Variants in PHF14 observed in about 807,000 individuals in gnomAD.
The protein encoded by PHF14 is PHD finger protein 14.
In PHF14, 55 loss-of-function variants were observed where a neutral mutation model predicts 117.9. The observed-to-expected ratio is 0.47, with a 90% CI of 0.38 to 0.58. The LOEUF (loss-of-function observed/expected upper bound fraction) is 0.58, where lower values mean the gene tolerates loss of function less well. Among genes scored for constraint, PHF14 ranks in the 20% least tolerant of loss-of-function variants. The probability of loss-of-function intolerance (pLI) is 0.00; values close to 1 mark genes in which losing one functional copy is unlikely to be tolerated. For synonymous variants in PHF14, 409 were observed against 368.6 expected, an observed-to-expected ratio of 1.11 and a Z score of -1.26; for missense variants, 978 against 1,122.2, an observed-to-expected ratio of 0.87 and a Z score of 1.84.
chr7:11,107,614 A>C (rs1175751201), intron 16 of PHF14: 1 of 759,362 alleles, frequency 1.3e-6, no homozygotes, highest in Non-Finnish European at 1.6e-6. Flanking sequence ...GTTTCTTTAC[A>C]GGTTAGTTTT....
At position 11,080,161 on chromosome 7, in the gene PHF14, C is replaced by T. The variant is rs537360826; in HGVS notation, c.2654+18076C>T. On this transcript the variant is annotated intron_variant, in intron 16 of 17. Coordinates refer to ENST00000634607, the MANE Select transcript of PHF14 (RefSeq NM_001007157.2). ...GTAGTTGGATAGAGGAAGTAACTTG[C>T]CAAAATAGACTTTGTAAGAATTTTG... Among the ~76,000 whole-genome samples, 5 of 152,148 alleles carry T rather than the reference C, an allele frequency of 3.3e-5. No homozygotes were observed. The South Asian group carries it at 1.0e-3, about 32-fold the overall frequency.
intron 17 of PHF14, among the ~76,000 whole-genome samples, chr7:11,114,031 C>A (rs1408959642): frequency 1.3e-5 from 2 of 151,984 alleles, no homozygotes; most frequent in Middle Eastern, 3.2e-3. Context: ...GTATATTTGC[C>A]ATGTTCATAT....
intron 16 of PHF14, among the ~76,000 whole-genome samples, chr7:11,081,432 A>T (rs376534335): frequency 6.6e-6 from 1 of 152,256 alleles, no homozygotes; most frequent in East Asian, 1.9e-4. Flanking sequence ...GCCTGGTATT[A>T]CAAGAGTGGT....
chr7:11,131,803 G>A (rs543428029), intron 17 of PHF14, among the ~76,000 whole-genome samples: 1 of 151,872 alleles, frequency 6.6e-6, no homozygotes, highest in East Asian at 1.9e-4. Context: ...TGTGAAAGGT[G>A]TTAGACCTGT....
chr7:11,080,393 G>T (rs1251491810), intron 16 of PHF14, among the ~76,000 whole-genome samples: 1 of 151,892 alleles, frequency 6.6e-6, no homozygotes, highest in Non-Finnish European at 1.5e-5. Flanking sequence ...CAGAATTATA[G>T]AATTTTTCAT....
At chr7:11,034,839 A>G (rs974372387) in intron 7 of PHF14, among the ~76,000 whole-genome samples, 3 of 151,726 alleles carry the variant, frequency 2.0e-5, no homozygotes, top group African/African-American at 7.3e-5. Context: ...ATGTGCCACC[A>G]CGCCTGGCCC....
chr7:11,061,576 T>C, intron 14 of PHF14: 1 of 343,216 alleles, frequency 2.9e-6, no homozygotes, highest in Non-Finnish European at 5.2e-6. Flanking sequence ...AGTAAAGTAC[T>C]ATAAAGTATA....
At chr7:11,126,229 C>T (rs922517327) in intron 17 of PHF14, among the ~76,000 whole-genome samples, 4 of 152,044 alleles carry the variant, frequency 2.6e-5, no homozygotes, top group African/African-American at 9.7e-5. Flanking sequence ...GCAGTTTCAA[C>T]AACCAACAGC....
chr7:11,112,394 CA>C (rs1360860891), intron 17 of PHF14, among the ~76,000 whole-genome samples: 1 of 152,096 alleles, frequency 6.6e-6, no homozygotes, highest in Non-Finnish European at 1.5e-5. Flanking sequence ...AGGCCTTCTG[CA>C]AAAGTTTATT....
intron 4 of PHF14, among the ~76,000 whole-genome samples, chr7:10,993,889 A>C (rs1443001535): frequency 1.3e-5 from 2 of 151,452 alleles, no homozygotes; most frequent in Non-Finnish European, 2.9e-5. Context: ...CGTGCCTGTA[A>C]TCCCAGCTAC....
At chr7:11,007,304 A>G (rs1341188477) in intron 4 of PHF14, among the ~76,000 whole-genome samples, 1 of 152,048 alleles carries the variant, frequency 6.6e-6, no homozygotes, top group East Asian at 1.9e-4. Context: ...TGTGTTGCAA[A>G]TATTTTCCAT....
At chr7:11,151,496 C>T (rs897609421) in intron 17 of PHF14, among the ~76,000 whole-genome samples, 1 of 152,136 alleles carries the variant, frequency 6.6e-6, no homozygotes, top group Non-Finnish European at 1.5e-5. Flanking sequence ...GAGGTTGAGA[C>T]TGAAGTGAGC....
At chr7:11,099,576 C>G (rs920136720) in intron 16 of PHF14, among the ~76,000 whole-genome samples, 6 of 151,980 alleles carry the variant, frequency 3.9e-5, no homozygotes, top group African/African-American at 1.4e-4. Context: ...AATTTATCCT[C>G]CATTGCAGGG....
chr7:11,159,416 C>T (rs1483812481), intron 17 of PHF14, among the ~76,000 whole-genome samples: 1 of 151,752 alleles, frequency 6.6e-6, no homozygotes, highest in Non-Finnish European at 1.5e-5. Context: ...TTTTCTCCTA[C>T]TTTTTATTGT....
intron 16 of PHF14, among the ~76,000 whole-genome samples, chr7:11,076,307 C>T (rs1487386707): frequency 1.3e-5 from 2 of 152,186 alleles, no homozygotes; most frequent in Non-Finnish European, 2.9e-5. Context: ...CTTCCGTGAT[C>T]ATACCTGCTG....
At chr7:11,106,423 G>A (rs1363353126) in intron 16 of PHF14, 21 of 952,428 alleles carry the variant, frequency 2.2e-5, no homozygotes, top group Middle Eastern at 5.3e-4. Context: ...TAATTATTTT[G>A]TATAGAAACT....
At chr7:11,005,284 A>G (rs749952694) in intron 4 of PHF14, among the ~76,000 whole-genome samples, 2 of 152,198 alleles carry the variant, frequency 1.3e-5, no homozygotes, top group African/African-American at 4.8e-5. Context: ...TTCCAATTCT[A>G]ATTCCTCCTA....
At chr7:11,105,699 C>G (rs1203003738) in intron 16 of PHF14, 2 of 984,334 alleles carry the variant, frequency 2.0e-6, no homozygotes, top group African/African-American at 1.8e-5. Flanking sequence ...GCAAATATTT[C>G]TCTATAAAAG....
chr7:11,131,402 G>C (rs1483115624), intron 17 of PHF14, among the ~76,000 whole-genome samples: 2 of 151,880 alleles, frequency 1.3e-5, no homozygotes, highest in Non-Finnish European at 2.9e-5. Context: ...ATAAGGACAT[G>C]TAGTGTTGAG....
Sources: gnomAD v4.1 joint callset for allele counts (sites outside exome capture counted in the v4.1 genomes callset) on GRCh38, gnomAD v4.1.1 for gene constraint, MANE v1.5 for transcripts, NCBI Gene and HGNC (gene_info 2026-07-23, HGNC 2026-07-21) for gene names.